Variants in MUC5B observed in about 807,000 individuals in gnomAD.
The protein encoded by MUC5B is mucin 5B, oligomeric mucus/gel-forming.
Under a neutral mutation model 376.9 loss-of-function variants are expected in MUC5B, and 116 were observed. That is an observed-to-expected ratio of 0.31 (90% confidence interval 0.26 to 0.36). The LOEUF (loss-of-function observed/expected upper bound fraction) is 0.36. Among genes scored for constraint, MUC5B ranks in the 10% least tolerant of loss-of-function variants. The pLI, the probability that MUC5B is intolerant of heterozygous loss-of-function variation, is 1.00. For missense variants in MUC5B, 7,165 were observed against 7,769.9 expected (o/e 0.92, Z 2.93); for synonymous variants, 3,517 against 3,390.9 (o/e 1.04, Z -1.29).
intron 13 of MUC5B, 23 bp from the exon 14 acceptor site, chr11:1,231,400 C>T (rs1392415822): frequency 6.3e-7 from 1 of 1,597,252 alleles, no homozygotes; most frequent in Non-Finnish European, 8.5e-7. Context: ...CCCTGACCGG[C>T]CTCTCCCCCA....
Position 1,257,819 on chromosome 11 carries a change from G to A in MUC5B, c.16450+109G>A. On this transcript the variant is annotated intron_variant, in intron 41 of 48. Coordinates refer to ENST00000529681, the MANE Select transcript of MUC5B (RefSeq NM_002458.3). This position sits in a 1 kb window ranked among gnomAD's most constrained non-coding sequence, Gnocchi z 8.9. The stretch of plus-strand genomic sequence containing the variant: ...CAGGAGAGCAGAGGAGAGCCACTGT[G>A]TCCTGGCGTGACCGCGGCAGGACCA... The A allele has an allele frequency of 7.5e-7, 1 of 1,332,056 alleles. No individual in the cohort carries two copies. The highest frequency in any genetic ancestry group is 1.0e-6 in the Non-Finnish European group (1 of 994,774). 82.5% of individuals were successfully genotyped at this position (1,332,056 alleles called of 1,614,324 possible). A position where few individuals can be genotyped will look rare whatever the true frequency, so the allele number is the denominator to read the frequency against.
At position 1,254,498 on chromosome 11, in the gene MUC5B, G is replaced by T; in HGVS notation, c.15477+147G>T. ...GGGGGCAGGGAAGGCCTGTGGAGCC[G>T]CCTAAGGCCGAGCGCACCCTGTGGC... On this transcript the variant is annotated intron_variant, in intron 34 of 48. Transcript: ENST00000529681. 1.1e-5 allele frequency: 14 copies of T among 1,307,608 alleles called. 2 individuals carry two copies. In the South Asian group the frequency reaches 1.3e-4, roughly 12 times the overall value. The allele number at this position is 1,307,608 out of a possible 1,614,324, so 81.0% of individuals were successfully genotyped here.
chr11:1,246,129 G>C lies in MUC5B; in HGVS notation c.9249G>C (p.Gln3083His), dbSNP rs372155869. 7.5e-6 allele frequency: 12 copies of C among 1,610,502 alleles called. No homozygotes were observed. Among genetic ancestry groups the C allele is most frequent in the Non-Finnish European group, 8.5e-6 (10 of 1,178,848 alleles). ...GGACCACCGGGACCCTCCCAGAACAGACCACCACACCCATGGCCACCATGT... is the reference window on the plus strand; with the variant it reads ...GGACCACCGGGACCCTCCCAGAACACACCACCACACCCATGGCCACCATGT... The part of the protein sequence containing the change: ...TLGTTGTLPE[Q>H]TTTPMATMST... The change falls in exon 31 of 49, where the codon CAG becomes CAC. Residue 3083 changes from glutamine to histidine, a missense_variant. By Grantham distance (24) the Gln-to-His change is conservative. Coordinates refer to ENST00000529681, the MANE Select transcript of MUC5B (RefSeq NM_002458.3).
intron 21 of MUC5B, 22 bp from the exon 22 acceptor site, chr11:1,235,063 G>A (rs761235552): frequency 1.9e-6 from 3 of 1,601,342 alleles, no homozygotes; most frequent in Non-Finnish European, 2.6e-6. Flanking sequence ...CTGTGAGCAG[G>A]CACCATTGTG....
At chr11:1,228,837 C>CT in intron 8 of MUC5B, 72 bp downstream of exon 8, 1 of 229,700 alleles carries the variant, frequency 4.4e-6, no homozygotes, top group East Asian at 9.3e-5. Flanking sequence ...TTGGGGGCCA[C>CT]TGGGGGTGGG....
chr11:1,244,607 C>A lies in MUC5B; in HGVS notation c.7727C>A (p.Thr2576Asn). ...TPSSTPETVH[T>N]STVLTTTATT... is the part of the protein sequence containing the mutation. ...TCCTCCACTCCAGAGACTGTCCACA[C>A]CTCCACAGTGCTTACCACCACGGCC... Residue 2576 changes from threonine (T) to asparagine (N), a missense_variant, in exon 31 of 49, where the codon ACC (threonine) becomes AAC (asparagine). Coordinates refer to ENST00000529681, the MANE Select transcript of MUC5B (RefSeq NM_002458.3). The A allele has an allele frequency of 1.9e-6, 3 of 1,613,652 alleles. No homozygotes were observed. The South Asian group carries it at 3.3e-5, about 18-fold the overall frequency.
rs1205400953 is a variant in MUC5B at position 1,231,649 on chromosome 11, G to A, written c.1678+89G>A. 54 of 1,443,552 alleles carry A rather than the reference G, an allele frequency of 3.7e-5. No individual in the cohort carries two copies. The East Asian group carries it at 5.5e-4, about 15-fold the overall frequency. The allele number at this position is 1,443,552 out of a possible 1,614,324, so 89.4% of individuals were successfully genotyped here. A position where few individuals can be genotyped will look rare whatever the true frequency, so the allele number is the denominator to read the frequency against. On this transcript the variant is annotated intron_variant, in intron 14 of 48. Coordinates refer to ENST00000529681, the MANE Select transcript of MUC5B (RefSeq NM_002458.3). Reference sequence around the variant, plus strand: ...GCTGCAGGGAGGGGCAGGCAGAGGCGGGCAGGGGACCGGGGAGGGGGCTGC... The same window carrying A: ...GCTGCAGGGAGGGGCAGGCAGAGGCAGGCAGGGGACCGGGGAGGGGGCTGC...
chr11:1,240,472 GT>G, intron 30 of MUC5B, 97 bp downstream of exon 30: 3 of 1,170,320 alleles, frequency 2.6e-6, no homozygotes, highest in Admixed American at 4.6e-5. Context: ...GGTAGCGACA[GT>G]CCCAATCCAC....
rs1387733205 is a variant in MUC5B at position 1,232,892 on chromosome 11, C to T, written c.2066-121C>T. 3.4e-6 allele frequency: 5 copies of T among 1,458,690 alleles called. No individual in the cohort carries two copies. In the African/African-American group the frequency reaches 7.0e-5, roughly 21 times the overall value. 90.4% of individuals were successfully genotyped at this position (1,458,690 alleles called of 1,614,324 possible). A position where few individuals can be genotyped will look rare whatever the true frequency, so the allele number is the denominator to read the frequency against. On this transcript the variant is annotated intron_variant, in intron 17 of 48. Transcript: ENST00000529681. ...AGAGCTTTGCACTTCCTCATCCCAG[C>T]CTCGCAAGAACCTCATGCCCTTGCG...
rs760969230 is a variant in MUC5B, at chr11:1,248,624, C to G, written c.11744C>G (p.Thr3915Ser). 1.2e-6 allele frequency: 2 copies of G among 1,612,526 alleles called. No homozygotes were observed. The highest frequency in any genetic ancestry group is 1.7e-6 in the Non-Finnish European group (2 of 1,179,440). Reference protein sequence around the residue: ...TPSSVPGTTHTPTVLTTTTTT... With the variant: ...TPSSVPGTTHSPTVLTTTTTT... ...TCCTCCGTCCCGGGGACCACCCACA[C>G]CCCCACAGTGCTGACCACCACCACC... Residue 3915 changes from threonine (T) to serine (S), a missense_variant, in exon 31 of 49, where the codon ACC becomes AGC. Around this residue, in one of 31 missense-constraint regions of MUC5B, gnomAD observed 242 missense variants for 199.0 expected, o/e 1.22. Transcript: ENST00000529681.
rs569819370 is a variant in MUC5B, at chr11:1,258,031, A to G, written c.16451-68A>G. 2.8e-4 allele frequency: 410 copies of G among 1,443,966 alleles called. No individual in the cohort carries two copies. Among genetic ancestry groups the G allele is most frequent in the Non-Finnish European group, 3.7e-4 (386 of 1,055,214 alleles). The allele number at this position is 1,443,966 out of a possible 1,614,324, so 89.4% of individuals were successfully genotyped here. On this transcript the variant is annotated intron_variant, in intron 41 of 48. Transcript: ENST00000529681. This position sits in a 1 kb window ranked among gnomAD's most constrained non-coding sequence, Gnocchi z 5.5. ...TCGGGGAAAAGCACGCCTGCGACTT[A>G]CTCTGGGAACAAGTGGTCGGGAGGA...
rs564466001 is a variant in MUC5B, at chr11:1,225,168, C to G, written c.71-513C>G. On this transcript the variant is annotated intron_variant, in intron 1 of 48. Transcript: ENST00000529681. ...ACTCGCCCTGACTTAGGATCTAGTTCGAAACTGGTTCTGTGTTTAGGTTTC... is the reference window on the plus strand; with the variant it reads ...ACTCGCCCTGACTTAGGATCTAGTTGGAAACTGGTTCTGTGTTTAGGTTTC... Among the ~76,000 whole-genome samples, 7 of 152,346 alleles carry G rather than the reference C, an allele frequency of 4.6e-5. No individual in the cohort carries two copies. In the South Asian group the frequency reaches 1.2e-3, roughly 27 times the overall value.
chr11:1,248,023 AC>A lies in MUC5B; in HGVS notation c.11147del (p.Pro3716GlnfsTer16), dbSNP rs1862546185. ...TGGATCCACGGCCACCCCGTCCTCC[AC>A]CCCAGGGACCACCTGGATCCTCACA... The part of the protein sequence containing the change: ...STGSTATPSS[T>X]PGTTWILTEP... On this transcript the variant is annotated frameshift_variant, in exon 31 of 49. Coordinates refer to ENST00000529681, the MANE Select transcript of MUC5B (RefSeq NM_002458.3). LOFTEE classifies it high-confidence loss of function. 1 of 1,607,684 alleles carries A rather than the reference AC, an allele frequency of 6.2e-7. No homozygotes were observed. Among genetic ancestry groups the A allele is most frequent in the African/African-American group, 1.4e-5 (1 of 73,568 alleles).
In MUC5B at chr11:1,259,736, C is replaced by G. The variant is rs368343104; in HGVS notation, c.16714-20C>G. On this transcript the variant is annotated intron_variant, in intron 44 of 48. Transcript: ENST00000529681. ...GCTGGAGGAGAGGGTTAGGGCCTGA[C>G]GCCCCTCATGTCCCCACAGGGCTTT... 3.1e-5 allele frequency: 50 copies of G among 1,609,998 alleles called. No individual in the cohort carries two copies. In the African/African-American group the frequency reaches 6.1e-4, roughly 20 times the overall value.
In MUC5B at chr11:1,227,775, G is replaced by A. The variant is rs753139720; in HGVS notation, c.768G>A (p.Thr256=). 46 of 710,986 alleles carry A rather than the reference G, an allele frequency of 6.5e-5. 1 individual carries two copies. In the Middle Eastern group the frequency reaches 9.1e-4, roughly 14 times the overall value. The allele number at this position is 710,986 out of a possible 1,614,324, so 44.0% of individuals were successfully genotyped here. The change falls in exon 7 of 49, where the codon ACG becomes ACA. Residue 256 remains threonine, a synonymous_variant. Coordinates refer to ENST00000529681, the MANE Select transcript of MUC5B (RefSeq NM_002458.3). The part of the protein sequence containing the change: ...DPLPLPAGNC[T]DEEGICHRTL... ...TGCCCTTGCCGGCCGGCAACTGCAC[G>A]GACGAGGTGAGTCCCCCGCCACCCC...
At chr11:1,227,226 C>T (rs1228215900) in intron 5 of MUC5B, 81 bp downstream of exon 5, 1 of 1,570,860 alleles carries the variant, frequency 6.4e-7, no homozygotes, top group Non-Finnish European at 8.7e-7. Flanking sequence ...CCTCCCTGGG[C>T]TTGGGGTCAC....
chr11:1,224,057 G>A (rs535285017), intron 1 of MUC5B, among the ~76,000 whole-genome samples: 18 of 152,332 alleles, frequency 1.2e-4, no homozygotes, highest in South Asian at 1.0e-3. Context: ...GCCTGGGCCC[G>A]GGGGGAGCTG....
rs892568274 is a variant in MUC5B at position 1,223,206 on chromosome 11, C to G, written c.70+13C>G. On this transcript the variant is annotated intron_variant, in intron 1 of 48. Coordinates refer to ENST00000529681, the MANE Select transcript of MUC5B (RefSeq NM_002458.3). The stretch of plus-strand genomic sequence containing the variant: ...GTGCCGCAGGCAGGTAAGAGCCCCC[C>G]ACTCCGCCCCCTCTCGATGCTGTCT... The G allele has an allele frequency of 1.4e-6, 1 of 710,508 alleles. No individual in the cohort carries two copies. The highest frequency in any genetic ancestry group is 2.6e-6 in the Non-Finnish European group (1 of 384,486). 44.0% of individuals were successfully genotyped at this position (710,508 alleles called of 1,614,324 possible).
chr11:1,248,211 C>T lies in MUC5B; in HGVS notation c.11331C>T (p.Thr3777=), dbSNP rs749306529. 305 of 1,598,348 alleles carry T rather than the reference C, an allele frequency of 1.9e-4. 3 individuals carry two copies. Among genetic ancestry groups the T allele is most frequent in the East Asian group, 9.9e-4 (44 of 44,636 alleles). ...CCTTCTCCAGTCCAGGGACTGCAAC[C>T]GCCCTTCCAGCACTGAGAAGCACAG... is the stretch of plus-strand genomic sequence containing the variant. ...ATPFSSPGTA[T]ALPALRSTAT... Residue 3777 remains threonine (T), a synonymous_variant, in exon 31 of 49, where the codon ACC becomes ACT. Coordinates refer to ENST00000529681, the MANE Select transcript of MUC5B (RefSeq NM_002458.3).
Sources: gnomAD v4.1 joint callset for allele counts (sites outside exome capture counted in the v4.1 genomes callset) on GRCh38, gnomAD v4.1.1 for gene constraint, gnomAD v4.1.1 regional missense constraint, Gnocchi (gnomAD v3.1) non-coding constraint, MANE v1.5 for transcripts, NCBI Gene and HGNC (gene_info 2026-07-23, HGNC 2026-07-21) for gene names.